Variants in SLC25A46 observed in about 807,000 individuals in gnomAD.
SLC25A46 encodes the protein mitochondrial outer membrane protein SLC25A46.
SLC25A46 carries 39 observed loss-of-function variants against 44.6 expected under a neutral mutation model. That is an observed-to-expected ratio of 0.87 (90% CI 0.68 to 1.14). SLC25A46 has a LOEUF of 1.14. Among genes scored for constraint, SLC25A46 ranks in the 50% most tolerant of loss-of-function variants. The probability of loss-of-function intolerance (pLI) is 0.00; values close to 1 mark genes in which losing one functional copy is unlikely to be tolerated. For synonymous variants in SLC25A46, 202 were observed against 185.8 expected, an observed-to-expected ratio of 1.09 and a Z score of -0.71; for missense variants, 547 against 522.7, an observed-to-expected ratio of 1.05 and a Z score of -0.45.
At chr5:110,751,365 C>T (rs752549060) in intron 5 of SLC25A46, among the ~76,000 whole-genome samples, 1 of 152,168 alleles carries the variant, frequency 6.6e-6, no homozygotes, top group Non-Finnish European at 1.5e-5. Context: ...TCCCTAGTAA[C>T]ATGACACTTA....
intron 4 of SLC25A46, among the ~76,000 whole-genome samples, chr5:110,747,872 T>G (rs1343347755): frequency 6.6e-6 from 1 of 152,160 alleles, no homozygotes; most frequent in Non-Finnish European, 1.5e-5. Context: ...TATGTAAGTT[T>G]CAAGTTACCT....
intron 2 of SLC25A46, among the ~76,000 whole-genome samples, chr5:110,742,806 CT>C (rs891169487): frequency 1.3e-5 from 2 of 151,872 alleles, no homozygotes; most frequent in African/African-American, 4.8e-5. Flanking sequence ...GATAGCATTA[CT>C]TTTTTTTATA....
chr5:110,757,519 C>T (rs759204599), intron 7 of SLC25A46, among the ~76,000 whole-genome samples: 2 of 152,106 alleles, frequency 1.3e-5, no homozygotes, highest in Non-Finnish European at 2.9e-5. Context: ...CGCACTGGAT[C>T]AGCCTTTGCT....
Position 110,764,718 on chromosome 5 carries a change from T to C in SLC25A46, c.*2936T>C, listed in dbSNP as rs1045089490. 2 of 151,948 alleles carry C rather than the reference T, an allele frequency of 1.3e-5. No homozygotes were observed. The highest frequency in any genetic ancestry group is 4.8e-5 in the African/African-American group (2 of 41,424). 9.4% of individuals were successfully genotyped at this position (151,948 alleles called of 1,614,324 possible). On this transcript the variant is annotated 3_prime_UTR_variant, in exon 8 of 8. Coordinates refer to ENST00000355943, the MANE Select transcript of SLC25A46 (RefSeq NM_138773.4). ...AAATTTGTTTTATCAGCTGAGGTTGTGGAGGATTTTTGTCCACTGATCTTT... is the reference window on the plus strand; with the variant it reads ...AAATTTGTTTTATCAGCTGAGGTTGCGGAGGATTTTTGTCCACTGATCTTT...
chr5:110,764,578 A>C lies in SLC25A46; in HGVS notation c.*2796A>C, dbSNP rs1187998396. 1 of 151,962 alleles carries C rather than the reference A, an allele frequency of 6.6e-6. No individual in the cohort carries two copies. The highest frequency in any genetic ancestry group is 2.4e-5 in the African/African-American group (1 of 41,420). The allele number at this position is 151,962 out of a possible 1,614,324, so 9.4% of individuals were successfully genotyped here. On this transcript the variant is annotated 3_prime_UTR_variant, in exon 8 of 8. Coordinates refer to ENST00000355943, the MANE Select transcript of SLC25A46 (RefSeq NM_138773.4). The stretch of plus-strand genomic sequence containing the variant: ...CACTCACAACTGTCTTTTTAGCAGC[A>C]GCTTTGTTAAAACTGCACAAAGCAT...
At chr5:110,758,937 C>T (rs1800179811) in intron 7 of SLC25A46, among the ~76,000 whole-genome samples, 1 of 152,114 alleles carries the variant, frequency 6.6e-6, no homozygotes, top group South Asian at 2.1e-4. Context: ...CTAAAATCAA[C>T]TTCAGACTTC....
upstream of SLC25A46, chr5:110,738,860 C>A: frequency 4.0e-6 from 3 of 751,700 alleles, no homozygotes; most frequent in Non-Finnish European, 6.1e-6. Context: ...CAACCATATT[C>A]CCACCTATTC....
chr5:110,764,756 G>C lies in SLC25A46; in HGVS notation c.*2974G>C, dbSNP rs956621769. ...TCCACTGATCTTTTGCAACAGAAAA[G>C]CATACTTTGTCAGCTTCTAATAAGA... On this transcript the variant is annotated 3_prime_UTR_variant, in exon 8 of 8. Coordinates refer to ENST00000355943, the MANE Select transcript of SLC25A46 (RefSeq NM_138773.4). The C allele has an allele frequency of 5.3e-5, 8 of 151,984 alleles. No individual in the cohort carries two copies. In the East Asian group the frequency reaches 1.6e-3, roughly 30 times the overall value. 9.4% of individuals were successfully genotyped at this position (151,984 alleles called of 1,614,324 possible).
chr5:110,743,931 T>C, intron 3 of SLC25A46, 144 bp downstream of exon 3: 1 of 527,034 alleles, frequency 1.9e-6, no homozygotes, highest in Non-Finnish European at 3.3e-6. Flanking sequence ...CTCTTTAAAG[T>C]CTTAAAAAAA....
chr5:110,760,868 T>C (rs1800230898), intron 7 of SLC25A46, among the ~76,000 whole-genome samples: 1 of 152,126 alleles, frequency 6.6e-6, no homozygotes, highest in Non-Finnish European at 1.5e-5. Flanking sequence ...TTTAAACATG[T>C]TTAAGAACTA....
rs1800195188 is a variant in SLC25A46, at chr5:110,759,510, T to C, written c.679-1694T>C. On this transcript the variant is annotated intron_variant, in intron 7 of 7. Transcript: ENST00000355943. ...GAATTGTATTTAGAGGGAAAGCAGG[T>C]GCAAAAACTCTCAAGTGGGACTGTG... 1.3e-5 allele frequency among the ~76,000 whole-genome samples: 2 copies of C among 152,160 alleles called. 1 individual carries two copies.
At chr5:110,742,496 G>A (rs920310825) in intron 2 of SLC25A46, among the ~76,000 whole-genome samples, 1 of 151,954 alleles carries the variant, frequency 6.6e-6, no homozygotes, top group Admixed American at 6.6e-5. Context: ...AAATTACATG[G>A]CATTTAATGA....
intron 1 of SLC25A46, among the ~76,000 whole-genome samples, chr5:110,740,808 C>A (rs558593148): frequency 8.5e-5 from 13 of 152,076 alleles, no homozygotes; most frequent in Non-Finnish European, 1.6e-4. Context: ...AAAAATTAGC[C>A]GGGCGTGGTG....
At position 110,764,713 on chromosome 5, in the gene SLC25A46, G is replaced by A. The variant is rs998478134; in HGVS notation, c.*2931G>A. On this transcript the variant is annotated 3_prime_UTR_variant, in exon 8 of 8. Coordinates refer to ENST00000355943, the MANE Select transcript of SLC25A46 (RefSeq NM_138773.4). ...TGCTTAAATTTGTTTTATCAGCTGAGGTTGTGGAGGATTTTTGTCCACTGA... is the reference window on the plus strand; with the variant it reads ...TGCTTAAATTTGTTTTATCAGCTGAAGTTGTGGAGGATTTTTGTCCACTGA... 6.6e-6 allele frequency: 1 copy of A among 151,872 alleles called. No individual in the cohort carries two copies. The highest frequency in any genetic ancestry group is 2.1e-4 in the South Asian group (1 of 4,832). 9.4% of individuals were successfully genotyped at this position (151,872 alleles called of 1,614,324 possible). A position where few individuals can be genotyped will look rare whatever the true frequency, so the allele number is the denominator to read the frequency against.
Position 110,761,082 on chromosome 5 carries a change from A to G in SLC25A46, c.679-122A>G. ...CCTAGATAACAGTTAAAGTCTGCAAATCATGGATGTTTCCCTCTTCAGTCA... is the reference window on the plus strand; with the variant it reads ...CCTAGATAACAGTTAAAGTCTGCAAGTCATGGATGTTTCCCTCTTCAGTCA... On this transcript the variant is annotated intron_variant, in intron 7 of 7. Transcript: ENST00000355943. This position sits in a 1 kb window ranked among gnomAD's most constrained non-coding sequence, Gnocchi z 5.3. 1 of 744,350 alleles carries G rather than the reference A, an allele frequency of 1.3e-6. No homozygotes were observed. The highest frequency in any genetic ancestry group is 2.6e-5 in the East Asian group (1 of 38,130). The allele number at this position is 744,350 out of a possible 1,614,324, so 46.1% of individuals were successfully genotyped here. A position where few individuals can be genotyped will look rare whatever the true frequency, so the allele number is the denominator to read the frequency against.
At chr5:110,753,923 A>T (rs141154247) in intron 5 of SLC25A46, 191 of 152,296 alleles carry the variant, frequency 1.3e-3, no homozygotes, top group African/African-American at 4.3e-3. Context: ...TGATTTACAA[A>T]GCATGTAACG....
intron 2 of SLC25A46, among the ~76,000 whole-genome samples, chr5:110,742,788 C>T (rs1376559946): frequency 2.0e-5 from 3 of 151,944 alleles, no homozygotes; most frequent in East Asian, 3.8e-4. Context: ...TCATAATCAG[C>T]GTTTGGTGAT....
At chr5:110,742,981 C>T (rs1238807899) in intron 2 of SLC25A46, among the ~76,000 whole-genome samples, 1 of 151,954 alleles carries the variant, frequency 6.6e-6, no homozygotes, top group African/African-American at 2.4e-5. Context: ...CATAATTAAA[C>T]CCGAGGGTGT....
rs1799808272 is a variant in SLC25A46, at chr5:110,746,032, C to T, written c.385-237C>T. The stretch of plus-strand genomic sequence containing the variant: ...AATAAGACCCTCTTTATTATATAGT[C>T]TACAGTACTGTGTGTATTATGCATT... On this transcript the variant is annotated intron_variant, in intron 3 of 7. Coordinates refer to ENST00000355943, the MANE Select transcript of SLC25A46 (RefSeq NM_138773.4). 4 of 410,946 alleles carry T rather than the reference C, an allele frequency of 9.7e-6. No individual in the cohort carries two copies. The Admixed American group carries it at 1.3e-4, about 14-fold the overall frequency. The allele number at this position is 410,946 out of a possible 1,614,324, so 25.5% of individuals were successfully genotyped here. A position where few individuals can be genotyped will look rare whatever the true frequency, so the allele number is the denominator to read the frequency against.
Sources: gnomAD v4.1 joint callset for allele counts (sites outside exome capture counted in the v4.1 genomes callset) on GRCh38, gnomAD v4.1.1 for gene constraint, Gnocchi (gnomAD v3.1) non-coding constraint, MANE v1.5 for transcripts, NCBI Gene and HGNC (gene_info 2026-07-23, HGNC 2026-07-21) for gene names.